Variants in ASIC2 observed in about 807,000 individuals in gnomAD.
ASIC2 encodes the protein acid-sensing ion channel 2.
ASIC2 carries 25 observed loss-of-function variants against 57.3 expected under a neutral mutation model. The observed-to-expected ratio is 0.44, with a 90% confidence interval of 0.32 to 0.61. The LOEUF (loss-of-function observed/expected upper bound fraction) is 0.61, where lower values mean the gene tolerates loss of function less well. ASIC2 is among the 20% of genes least tolerant of loss of function. The pLI is 0.06. For missense variants in ASIC2, 641 were observed against 738.1 expected (o/e 0.87, Z 1.52); for synonymous variants, 319 against 307.5 (o/e 1.04, Z -0.39).
intron 1 of ASIC2, among the ~76,000 whole-genome samples, chr17:34,092,120 G>T (rs116340900): frequency 6.6e-6 from 1 of 151,654 alleles, no homozygotes; most frequent in Non-Finnish European, 1.5e-5. Flanking sequence ...CGGACACCAG[G>T]TCTACACCAG....
chr17:33,495,165 C>T (rs1438602713), intron 1 of ASIC2, among the ~76,000 whole-genome samples: 1 of 152,154 alleles, frequency 6.6e-6, no homozygotes, highest in Non-Finnish European at 1.5e-5. Flanking sequence ...CAAGTTCTGC[C>T]CCTGAGAGTG....
In ASIC2 at chr17:34,151,491, C is replaced by T. The variant is rs115531408; in HGVS notation, c.555+4487G>A. Reference sequence around the variant, plus strand: ...GGGTGCATAGGTCACCCATTCCTGGCGTGGGGAGAGGGGCTGGCACAGGAC... The same window carrying T: ...GGGTGCATAGGTCACCCATTCCTGGTGTGGGGAGAGGGGCTGGCACAGGAC... On this transcript the variant is annotated intron_variant, in intron 1 of 9. Coordinates refer to the ASIC2 transcript ENST00000359872. Among the ~76,000 whole-genome samples, 997 of 152,186 alleles carry T rather than the reference C, an allele frequency of 6.6e-3. 8 individuals are homozygous for T. Among genetic ancestry groups the T allele is most frequent in the African/African-American group, 0.023 (941 of 41,526 alleles).
At chr17:33,122,252 G>A (rs553000686) in intron 1 of ASIC2, among the ~76,000 whole-genome samples, 1 of 152,298 alleles carries the variant, frequency 6.6e-6, no homozygotes, top group East Asian at 1.9e-4. Flanking sequence ...GCAGACTGGA[G>A]TCAGGGGTGC....
intron 1 of ASIC2, among the ~76,000 whole-genome samples, chr17:34,099,505 GA>G (rs1910737432): frequency 8.5e-6 from 1 of 117,004 alleles, no homozygotes. Context: ...AAGGAAAGAG[GA>G]AAGAAGAGAA....
chr17:33,839,126 T>C (rs7212579), intron 1 of ASIC2, among the ~76,000 whole-genome samples: 8,166 of 152,322 alleles, frequency 0.054, 238 homozygotes, highest in Non-Finnish European at 0.066. Flanking sequence ...ACTAACTACA[T>C]GCCCTAATAG....
chr17:33,464,798 T>C (rs1450999644), intron 1 of ASIC2, among the ~76,000 whole-genome samples: 1 of 151,512 alleles, frequency 6.6e-6, no homozygotes, highest in Non-Finnish European at 1.5e-5. Context: ...TTATACTGAA[T>C]GCTCAGACAG....
chr17:33,185,295 T>C (rs976598723), intron 1 of ASIC2, among the ~76,000 whole-genome samples: 1 of 152,212 alleles, frequency 6.6e-6, no homozygotes, highest in Non-Finnish European at 1.5e-5. Flanking sequence ...GAGAATGATA[T>C]ATTCTCCTCA....
chr17:33,940,671 T>C (rs965497464), intron 1 of ASIC2, among the ~76,000 whole-genome samples: 3 of 152,238 alleles, frequency 2.0e-5, no homozygotes, highest in African/African-American at 7.2e-5. Context: ...GCTTGGATCC[T>C]AGCAGGGGAC....
chr17:33,214,331 A>G (rs1311803996), intron 1 of ASIC2, among the ~76,000 whole-genome samples: 1 of 151,452 alleles, frequency 6.6e-6, no homozygotes, highest in Non-Finnish European at 1.5e-5. Flanking sequence ...ATAATACAAC[A>G]CTGGGCTGAT....
intron 1 of ASIC2, among the ~76,000 whole-genome samples, chr17:33,959,079 T>G (rs1904835210): frequency 1.3e-5 from 2 of 152,222 alleles, no homozygotes; most frequent in South Asian, 4.1e-4. Context: ...CAGCCTGGAC[T>G]TTATTGTCCA....
intron 3 of ASIC2, among the ~76,000 whole-genome samples, chr17:33,063,413 A>T (rs2141941902): frequency 6.6e-6 from 1 of 152,154 alleles, no homozygotes; most frequent in African/African-American, 2.4e-5. Flanking sequence ...TTTCTCCTTC[A>T]CTTATGAAGC....
At chr17:33,103,001 T>C (rs563970551) in intron 2 of ASIC2, among the ~76,000 whole-genome samples, 2 of 152,284 alleles carry the variant, frequency 1.3e-5, no homozygotes, top group East Asian at 3.9e-4. Flanking sequence ...GCCAGGATGG[T>C]CTTGATCTCC....
intron 1 of ASIC2, among the ~76,000 whole-genome samples, chr17:34,124,101 T>C (rs2142121643): frequency 6.6e-6 from 1 of 152,162 alleles, no homozygotes; most frequent in East Asian, 1.9e-4. Context: ...TAAATAAAAA[T>C]ATTAAATTAT....
chr17:33,579,827 C>T lies in ASIC2; in HGVS notation c.556-467760G>A, dbSNP rs115562223. Among the ~76,000 whole-genome samples the T allele has an allele frequency of 5.1e-3, 772 of 152,264 alleles. 8 individuals are homozygous for T. Among genetic ancestry groups the T allele is most frequent in the African/African-American group, 0.017 (720 of 41,540 alleles). On this transcript the variant is annotated intron_variant, in intron 1 of 9. Transcript: ENST00000359872. Reference sequence around the variant, plus strand: ...ACACCCCTTGGATTTCGGCGTCTGGCTCGGGTGGGCTGCATTTATTCCCTT... The same window carrying T: ...ACACCCCTTGGATTTCGGCGTCTGGTTCGGGTGGGCTGCATTTATTCCCTT...
At chr17:34,145,679 T>C (rs933773340) in intron 1 of ASIC2, among the ~76,000 whole-genome samples, 16 of 152,228 alleles carry the variant, frequency 1.1e-4, no homozygotes, top group African/African-American at 3.9e-4. Flanking sequence ...GCCTTCGAAG[T>C]GTTTTAAAAC....
At chr17:34,095,754 T>C (rs564941292) in intron 1 of ASIC2, among the ~76,000 whole-genome samples, 1 of 146,414 alleles carries the variant, frequency 6.8e-6, no homozygotes, top group African/African-American at 2.5e-5. Flanking sequence ...TATATATATA[T>C]ATAGTTTTAA....
intron 1 of ASIC2, among the ~76,000 whole-genome samples, chr17:33,431,345 G>T (rs951229786): frequency 6.6e-6 from 1 of 152,120 alleles, no homozygotes; most frequent in African/African-American, 2.4e-5. Flanking sequence ...GGTGGCTCAC[G>T]CCTGTAATCC....
At chr17:33,930,816 G>A (rs1287803983) in intron 1 of ASIC2, among the ~76,000 whole-genome samples, 1 of 152,216 alleles carries the variant, frequency 6.6e-6, no homozygotes, top group East Asian at 1.9e-4. Flanking sequence ...CAGACCCACA[G>A]GTGGTGGAGG....
intron 1 of ASIC2, among the ~76,000 whole-genome samples, chr17:34,100,900 G>A (rs1427075929): frequency 5.9e-5 from 9 of 152,152 alleles, no homozygotes; most frequent in Non-Finnish European, 1.3e-4. Flanking sequence ...GGGCTATGGG[G>A]ACAAATCCCT....
Sources: allele counts gnomAD v4.1 joint callset (sites outside exome capture counted in the v4.1 genomes callset), GRCh38; gene constraint gnomAD v4.1.1; transcripts MANE v1.5; gene names NCBI Gene and HGNC (gene_info 2026-07-23, HGNC 2026-07-21).